The following SORCS1 variants were observed in gnomAD, a reference collection of about 807,000 sequenced individuals.
SORCS1 encodes the protein VPS10 domain-containing receptor SorCS1.
A neutral mutation model predicts 146.1 loss-of-function variants in SORCS1; 60 were observed. That is an observed-to-expected ratio of 0.41 (90% CI 0.33 to 0.51). The LOEUF (loss-of-function observed/expected upper bound fraction) is 0.51, where lower values mean the gene tolerates loss of function less well. Among genes scored for constraint, SORCS1 ranks in the 20% least tolerant of loss-of-function variants. The probability of loss-of-function intolerance (pLI) is 0.21; values close to 1 mark genes in which losing one functional copy is unlikely to be tolerated. For missense variants in SORCS1, 1,352 were observed against 1,487.6 expected, an observed-to-expected ratio of 0.91 and a Z score of 1.50; for synonymous variants, 637 against 584.0, an observed-to-expected ratio of 1.09 and a Z score of -1.31.
chr10:106,739,210 G>A (rs1057154186), intron 5 of SORCS1, among the ~76,000 whole-genome samples: 4 of 152,188 alleles, frequency 2.6e-5, no homozygotes, highest in Admixed American at 1.3e-4. Flanking sequence ...TCTTGGCTGG[G>A]CATGGTGGCT....
chr10:107,165,799 G>A (rs1413704021), upstream of SORCS1, among the ~76,000 whole-genome samples: 1 of 152,150 alleles, frequency 6.6e-6, no homozygotes, highest in African/African-American at 2.4e-5. The surrounding 1 kb of genome is among the most constrained non-coding windows in gnomAD (Gnocchi z 4.0). Context: ...TTTGCTTTGG[G>A]ACCTCAGACA....
intron 1 of SORCS1, among the ~76,000 whole-genome samples, chr10:107,036,327 C>T (rs1285111320): frequency 1.3e-5 from 2 of 151,998 alleles, no homozygotes; most frequent in South Asian, 2.1e-4. Flanking sequence ...GCAAATAGTA[C>T]ACCATTTACA....
intron 2 of SORCS1, among the ~76,000 whole-genome samples, chr10:106,952,747 G>A (rs1274240099): frequency 6.6e-6 from 1 of 151,430 alleles, no homozygotes; most frequent in Non-Finnish European, 1.5e-5. Context: ...AGGCTGAGGT[G>A]GGAGGGTTAC....
Position 107,094,215 on chromosome 10 carries a change from TCAAA to T in SORCS1, c.558+69750_558+69753del, listed in dbSNP as rs772312873. ...TAATTCCCTCCTACACCCCCAGCAC[TCAAA>T]CAGTGTCATATGGTAATTGTTTATT... On this transcript the variant is annotated intron_variant, in intron 1 of 25. Coordinates refer to ENST00000263054, the MANE Select transcript of SORCS1 (RefSeq NM_052918.5). Among the ~76,000 whole-genome samples, 52 of 152,240 alleles carry T rather than the reference TCAAA, an allele frequency of 3.4e-4. 1 individual carries two copies. Among genetic ancestry groups the T allele is most frequent in the Non-Finnish European group, 6.5e-4 (44 of 68,008 alleles).
chr10:106,896,360 C>T (rs559330641), intron 2 of SORCS1, among the ~76,000 whole-genome samples: 1 of 146,736 alleles, frequency 6.8e-6, no homozygotes, highest in Non-Finnish European at 1.5e-5. Context: ...ACCCAGGAGA[C>T]AGGGGTTGCA....
chr10:107,019,459 C>T (rs1469288284), intron 1 of SORCS1, among the ~76,000 whole-genome samples: 4 of 152,030 alleles, frequency 2.6e-5, no homozygotes, highest in African/African-American at 9.7e-5. Flanking sequence ...AATGTTATTG[C>T]TAGGATTTTT....
At chr10:106,668,452 C>T (rs1308055259) in intron 16 of SORCS1, among the ~76,000 whole-genome samples, 1 of 152,230 alleles carries the variant, frequency 6.6e-6, no homozygotes, top group Non-Finnish European at 1.5e-5. Flanking sequence ...AGACTTCCCT[C>T]TCAGCCTCCT....
intron 1 of SORCS1, among the ~76,000 whole-genome samples, chr10:107,124,740 C>G (rs1205046395): frequency 6.6e-6 from 1 of 151,950 alleles, no homozygotes; most frequent in African/African-American, 2.4e-5. Flanking sequence ...ACAAACAAAA[C>G]GAAAAACAGA....
chr10:106,699,812 C>T (rs769755375), intron 8 of SORCS1, among the ~76,000 whole-genome samples: 10 of 152,184 alleles, frequency 6.6e-5, no homozygotes, highest in Non-Finnish European at 1.5e-4. Flanking sequence ...CCCTGCATGT[C>T]TCAGCATGGC....
intron 2 of SORCS1, among the ~76,000 whole-genome samples, chr10:106,870,038 T>C (rs919374849): frequency 1.7e-4 from 26 of 152,066 alleles, no homozygotes; most frequent in Non-Finnish European, 1.0e-4. Flanking sequence ...AGCATTCCTA[T>C]ACACTAACAA....
chr10:106,741,227 T>C (rs1857336777), intron 5 of SORCS1, among the ~76,000 whole-genome samples: 1 of 151,928 alleles, frequency 6.6e-6, no homozygotes, highest in Non-Finnish European at 1.5e-5. Context: ...ATTCTTTTCA[T>C]AGAAAAAAAA....
intron 1 of SORCS1, among the ~76,000 whole-genome samples, chr10:107,128,709 T>C (rs1272611124): frequency 6.6e-6 from 1 of 152,202 alleles, no homozygotes; most frequent in African/African-American, 2.4e-5. Context: ...TTAATCCTAA[T>C]ACCCCTTTAT....
intron 1 of SORCS1, among the ~76,000 whole-genome samples, chr10:106,999,683 A>T (rs1957137061): frequency 6.6e-6 from 1 of 152,144 alleles, no homozygotes; most frequent in South Asian, 2.1e-4. Context: ...AGCTTCAGGG[A>T]CTTCTGAGCC....
At chr10:106,596,866 T>G (rs145908449) in intron 24 of SORCS1, among the ~76,000 whole-genome samples, 2 of 152,132 alleles carry the variant, frequency 1.3e-5, no homozygotes, top group Non-Finnish European at 2.9e-5. Context: ...AGACTAAGTA[T>G]AAAATATTAC....
intron 1 of SORCS1, among the ~76,000 whole-genome samples, chr10:107,065,999 C>G (rs1415450480): frequency 6.6e-6 from 1 of 152,206 alleles, no homozygotes; most frequent in Non-Finnish European, 1.5e-5. Flanking sequence ...AATACCTTCT[C>G]ATTCTAATAA....
intron 1 of SORCS1, among the ~76,000 whole-genome samples, chr10:107,127,981 T>C (rs1370027916): frequency 6.6e-6 from 1 of 152,230 alleles, no homozygotes; most frequent in Non-Finnish European, 1.5e-5. Context: ...ATTTCAGCTA[T>C]TTCACAGATA....
chr10:106,722,261 C>G (rs1193211533), intron 6 of SORCS1, among the ~76,000 whole-genome samples: 2 of 151,986 alleles, frequency 1.3e-5, no homozygotes. Context: ...TAAACACACT[C>G]TGTAGCTGAG....
chr10:106,773,743 T>A (rs1306842557), intron 4 of SORCS1, among the ~76,000 whole-genome samples: 1 of 151,592 alleles, frequency 6.6e-6, no homozygotes, highest in East Asian at 1.9e-4. Context: ...AGGTCAGGAG[T>A]TTGAGACCAG....
intron 2 of SORCS1, among the ~76,000 whole-genome samples, chr10:106,910,737 T>C (rs1589685719): frequency 6.6e-6 from 1 of 152,310 alleles, no homozygotes; most frequent in Non-Finnish European, 1.5e-5. Context: ...TCCATGGTCC[T>C]TCAGTGTGCT....
Sources: gnomAD v4.1 joint callset for allele counts (sites outside exome capture counted in the v4.1 genomes callset) on GRCh38, gnomAD v4.1.1 for gene constraint, Gnocchi (gnomAD v3.1) non-coding constraint, MANE v1.5 for transcripts, NCBI Gene and HGNC (gene_info 2026-07-23, HGNC 2026-07-21) for gene names.